The following NCAM2 variants were observed in gnomAD, a reference collection of about 807,000 sequenced individuals.
NCAM2 encodes the protein neural cell adhesion molecule 2, also known as N-CAM-2.
NCAM2 carries 30 observed loss-of-function variants against 98.1 expected under a neutral mutation model. The ratio of observed to expected loss-of-function variants is 0.31; its 90% CI spans 0.23 to 0.41. The LOEUF (loss-of-function observed/expected upper bound fraction) is 0.41, where lower values mean the gene tolerates loss of function less well. Ranked by LOEUF, NCAM2 falls within the 10% of genes least tolerant of loss-of-function variation. The pLI is 1.00. For missense variants in NCAM2, 867 were observed against 1,005.8 expected, an observed-to-expected ratio of 0.86 and a Z score of 1.87; for synonymous variants, 368 against 342.4, an observed-to-expected ratio of 1.07 and a Z score of -0.83.
intron 6 of NCAM2, among the ~76,000 whole-genome samples, chr21:21,324,817 T>C (rs2074470500): frequency 1.3e-5 from 2 of 152,178 alleles, no homozygotes; most frequent in South Asian, 4.1e-4. Flanking sequence ...TTACAATTTA[T>C]CTTGAAATTG....
At chr21:21,459,615 C>A (rs144177596) in intron 12 of NCAM2, among the ~76,000 whole-genome samples, 22 of 150,134 alleles carry the variant, frequency 1.5e-4, no homozygotes, top group African/African-American at 5.1e-4. Flanking sequence ...TATGTACACA[C>A]ATATGTATAT....
rs867762397 is a variant in NCAM2, at chr21:21,184,485, C to A, written c.56-96093C>A. Among the ~76,000 whole-genome samples, 18 of 152,180 alleles carry A rather than the reference C, an allele frequency of 1.2e-4. 1 individual carries two copies. The highest frequency in any genetic ancestry group is 6.2e-4 in the South Asian group (3 of 4,818). On this transcript the variant is annotated intron_variant, in intron 1 of 17. Coordinates refer to ENST00000400546, the MANE Select transcript of NCAM2 (RefSeq NM_004540.5). ...AGTCACCTTGGGGATCCTTTAAAAT[C>A]TGATGCCTGGGCTCCCCTTATAGAT...
intron 17 of NCAM2, 78 bp downstream of exon 17, chr21:21,534,734 T>C: frequency 8.5e-7 from 1 of 1,178,396 alleles, no homozygotes; most frequent in Non-Finnish European, 1.1e-6. Context: ...TTGTATTACA[T>C]ATTTAAATAT....
chr21:21,146,909 CCCACTCCGGAACTCATACCGCTGCCTT>C (rs1446768177), intron 1 of NCAM2, among the ~76,000 whole-genome samples: 1 of 150,914 alleles, frequency 6.6e-6, no homozygotes, highest in African/African-American at 2.5e-5. Flanking sequence ...CGCGCCCTGT[CCCACTCCGGAACTCATACCGCTGCCTT>C]CTACTCCGGA....
intron 9 of NCAM2, among the ~76,000 whole-genome samples, chr21:21,395,934 C>A (rs546742086): frequency 5.3e-4 from 81 of 152,088 alleles, no homozygotes; most frequent in Non-Finnish European, 1.0e-3. Context: ...GGGAAAAATC[C>A]TCTAGACATT....
chr21:21,167,072 A>G (rs757244380), intron 1 of NCAM2, among the ~76,000 whole-genome samples: 12 of 151,956 alleles, frequency 7.9e-5, no homozygotes, highest in Admixed American at 2.6e-4. Context: ...TCTTTCTTTT[A>G]TGTGATTAAC....
At chr21:21,094,969 A>G (rs1405294097) in intron 1 of NCAM2, among the ~76,000 whole-genome samples, 2 of 151,778 alleles carry the variant, frequency 1.3e-5, no homozygotes, top group African/African-American at 4.8e-5. Context: ...ATTGATGTTC[A>G]CTAAACTGGA....
intron 5 of NCAM2, among the ~76,000 whole-genome samples, chr21:21,316,534 T>C (rs79433955): frequency 0.015 from 130 of 8,542 alleles, no homozygotes; most frequent in African/African-American, 0.037. Flanking sequence ...TCTTTTATTC[T>C]TTTTTTTTTT....
chr21:21,212,952 G>A (rs35010166), intron 1 of NCAM2, among the ~76,000 whole-genome samples: 66,350 of 151,718 alleles, frequency 0.44, 15,655 homozygotes, highest in Middle Eastern at 0.57. Context: ...ATGTTAGCCA[G>A]GATGGTCTCG....
intron 1 of NCAM2, among the ~76,000 whole-genome samples, chr21:21,164,185 A>G (rs905204002): frequency 3.9e-5 from 6 of 152,206 alleles, no homozygotes; most frequent in Non-Finnish European, 5.9e-5. Context: ...TTATTTTTGC[A>G]GTACTGTAAC....
chr21:21,054,282 C>G (rs1779396709), intron 1 of NCAM2, among the ~76,000 whole-genome samples: 1 of 151,920 alleles, frequency 6.6e-6, no homozygotes, highest in Admixed American at 6.6e-5. Flanking sequence ...TTGGTTGTCA[C>G]CACACAGTAC....
At chr21:21,084,113 G>A (rs763329385) in intron 1 of NCAM2, among the ~76,000 whole-genome samples, 1 of 152,122 alleles carries the variant, frequency 6.6e-6, no homozygotes, top group African/African-American at 2.4e-5. Flanking sequence ...GTAGAAGGCC[G>A]TTGTTTTGCT....
chr21:21,007,643 G>A (rs890052739), intron 1 of NCAM2, among the ~76,000 whole-genome samples: 1 of 152,088 alleles, frequency 6.6e-6, no homozygotes, highest in African/African-American at 2.4e-5. Flanking sequence ...GGTGCTGGTG[G>A]GAGTGTCTTT....
intron 1 of NCAM2, among the ~76,000 whole-genome samples, chr21:21,081,259 G>A (rs2065791934): frequency 6.6e-6 from 1 of 152,148 alleles, no homozygotes. Context: ...ACATGCTGGA[G>A]CTCACTCACC....
intron 16 of NCAM2, among the ~76,000 whole-genome samples, chr21:21,514,413 T>C (rs952652267): frequency 3.4e-5 from 5 of 147,678 alleles, no homozygotes; most frequent in Admixed American, 7.0e-5. Flanking sequence ...GAAGTGGAAG[T>C]TGCAGTGAGC....
intron 14 of NCAM2, among the ~76,000 whole-genome samples, chr21:21,469,314 AT>A (rs1359984447): frequency 6.6e-6 from 1 of 151,988 alleles, no homozygotes; most frequent in African/African-American, 2.4e-5. Context: ...CTGCACACAG[AT>A]TTTTGATAGA....
At chr21:21,117,802 T>TA (rs2066594884) in intron 1 of NCAM2, among the ~76,000 whole-genome samples, 1 of 152,198 alleles carries the variant, frequency 6.6e-6, no homozygotes, top group Admixed American at 6.5e-5. Context: ...TGGTCTCCTT[T>TA]ACTTGATTTC....
At chr21:21,467,682 C>T (rs1285219521) in intron 13 of NCAM2, among the ~76,000 whole-genome samples, 8 of 151,282 alleles carry the variant, frequency 5.3e-5, no homozygotes, top group Admixed American at 4.6e-4. Flanking sequence ...CCTATCTCTC[C>T]AAAAAACAAT....
At chr21:21,011,992 G>A (rs1345535470) in intron 1 of NCAM2, among the ~76,000 whole-genome samples, 1 of 152,160 alleles carries the variant, frequency 6.6e-6, no homozygotes, top group Non-Finnish European at 1.5e-5. Flanking sequence ...ATGTTGGTGA[G>A]GAGAACAGAG....
Sources: gnomAD v4.1 joint callset for allele counts (sites outside exome capture counted in the v4.1 genomes callset) on GRCh38, gnomAD v4.1.1 for gene constraint, MANE v1.5 for transcripts, NCBI Gene and HGNC (gene_info 2026-07-23, HGNC 2026-07-21) for gene names.